MAP3K5: variants seen among roughly 807,000 people sequenced by gnomAD.
MAP3K5 encodes the protein ASK-1.
Under a neutral mutation model 158.7 loss-of-function variants are expected in MAP3K5, and 56 were observed. The ratio of observed to expected loss-of-function variants is 0.35; its 90% CI spans 0.28 to 0.44. The LOEUF is 0.44. Among genes scored for constraint, MAP3K5 ranks in the 20% least tolerant of loss-of-function variants. The pLI, the probability that MAP3K5 is intolerant of heterozygous loss-of-function variation, is 1.00. For missense variants in MAP3K5, 1,294 were observed against 1,674.8 expected, an observed-to-expected ratio of 0.77 and a Z score of 3.97; for synonymous variants, 579 against 601.7, an observed-to-expected ratio of 0.96 and a Z score of 0.55.
At chr6:136,635,392 G>T (rs983063145) in intron 14 of MAP3K5, among the ~76,000 whole-genome samples, 1 of 152,028 alleles carries the variant, frequency 6.6e-6, no homozygotes, top group South Asian at 2.1e-4. Context: ...ATAAAAAATT[G>T]TAAAATATAA....
rs766282577 is a variant in MAP3K5 at position 136,652,924 on chromosome 6, G to T, written c.1681-1833C>A. ...GCTGGGAAACAGACCAGGGAATGGA[G>T]GCAATTTGACAAAGTCTTAAAGGTA... is the stretch of plus-strand genomic sequence containing the variant. On this transcript the variant is annotated intron_variant, in intron 10 of 29. Transcript: ENST00000359015. Among the ~76,000 whole-genome samples, 121 of 152,298 alleles carry T rather than the reference G, an allele frequency of 7.9e-4. 2 individuals carry two copies. The highest frequency in any genetic ancestry group is 2.6e-4 in the Admixed American group (4 of 15,296).
chr6:136,765,073 C>A (rs1421935316), intron 1 of MAP3K5, among the ~76,000 whole-genome samples: 1 of 152,142 alleles, frequency 6.6e-6, no homozygotes, highest in Non-Finnish European at 1.5e-5. Flanking sequence ...ATTAGGAAGT[C>A]ATCATTAGAT....
chr6:136,611,593 C>A (rs368500312), intron 17 of MAP3K5, among the ~76,000 whole-genome samples: 77 of 152,314 alleles, frequency 5.1e-4, no homozygotes, highest in African/African-American at 1.7e-3. Flanking sequence ...AAACCAACCG[C>A]CTTTGCGAAA....
intron 23 of MAP3K5, among the ~76,000 whole-genome samples, chr6:136,591,413 C>A (rs1775381352): frequency 6.6e-6 from 1 of 152,220 alleles, no homozygotes. Flanking sequence ...AGGCTCTGGC[C>A]ACCCATGGCC....
At chr6:136,753,090 C>T (rs1284560322) in intron 1 of MAP3K5, among the ~76,000 whole-genome samples, 1 of 152,234 alleles carries the variant, frequency 6.6e-6, no homozygotes, top group Non-Finnish European at 1.5e-5. Context: ...CTTATCCCAA[C>T]AGGAACCCAC....
chr6:136,639,663 T>C, intron 12 of MAP3K5, 25 bp from the exon 13 acceptor site: 1 of 1,197,458 alleles, frequency 8.4e-7, no homozygotes, highest in Non-Finnish European at 1.2e-6. Context: ...CAAAAAGGCA[T>C]TATTCAGAGA....
At chr6:136,600,187 A>ATTTTT (rs907571176) in intron 21 of MAP3K5, among the ~76,000 whole-genome samples, 1 of 132,740 alleles carries the variant, frequency 7.5e-6, no homozygotes, top group African/African-American at 2.9e-5. Context: ...CATGCTGTTA[A>ATTTTT]TTTTTTTTTT....
At chr6:136,779,126 C>G (rs988937786) in intron 1 of MAP3K5, among the ~76,000 whole-genome samples, 1 of 152,098 alleles carries the variant, frequency 6.6e-6, no homozygotes, top group Non-Finnish European at 1.5e-5. Flanking sequence ...ATGGCAAAAC[C>G]CTGTCTCTAC....
At chr6:136,679,380 A>G (rs920370484) in intron 7 of MAP3K5, among the ~76,000 whole-genome samples, 4 of 152,368 alleles carry the variant, frequency 2.6e-5, no homozygotes, top group African/African-American at 9.6e-5. Context: ...TGTTTGTGAT[A>G]TAACAGTTGT....
intron 1 of MAP3K5, among the ~76,000 whole-genome samples, chr6:136,743,188 C>T (rs1210738560): frequency 1.3e-5 from 2 of 152,198 alleles, no homozygotes; most frequent in East Asian, 1.9e-4. Flanking sequence ...CAGTGGCTCA[C>T]GCCTGTAATC....
chr6:136,691,907 C>A (rs955132228), intron 7 of MAP3K5, among the ~76,000 whole-genome samples: 2 of 151,988 alleles, frequency 1.3e-5, no homozygotes, highest in East Asian at 1.9e-4. Context: ...CAAGTAGATT[C>A]TTTGATATAA....
At position 136,706,496 on chromosome 6, in the gene MAP3K5, C is replaced by G. The variant is rs547574981; in HGVS notation, c.589-1363G>C. The stretch of plus-strand genomic sequence containing the variant: ...CAAGGCTTCACTGAGGTTGGGGAAT[C>G]ATCATTTAGAAAAGGGAAAAGGGAA... On this transcript the variant is annotated intron_variant, in intron 2 of 29. Transcript: ENST00000359015. 9.2e-5 allele frequency among the ~76,000 whole-genome samples: 14 copies of G among 152,258 alleles called. 1 individual carries two copies. In the East Asian group the frequency reaches 1.9e-3, roughly 21 times the overall value.
chr6:136,670,496 T>C lies in MAP3K5; in HGVS notation c.1254-1101A>G, dbSNP rs1015694563. On this transcript the variant is annotated intron_variant, in intron 7 of 29. Transcript: ENST00000359015. ...TTGATGACACCAAAAAAAAAGGTTA[T>C]GTGGGAAGAAATACATTATAATTCC... Among the ~76,000 whole-genome samples, 128 of 152,090 alleles carry C rather than the reference T, an allele frequency of 8.4e-4. 1 individual carries two copies. Among genetic ancestry groups the C allele is most frequent in the Middle Eastern group, 6.8e-3 (2 of 292 alleles).
chr6:136,702,027 G>A (rs973382696), intron 3 of MAP3K5, among the ~76,000 whole-genome samples: 4 of 152,144 alleles, frequency 2.6e-5, no homozygotes, highest in African/African-American at 7.2e-5. Flanking sequence ...TAATGACTAC[G>A]CAAACAGCAG....
intron 21 of MAP3K5, among the ~76,000 whole-genome samples, chr6:136,593,893 G>T (rs912773762): frequency 6.6e-6 from 1 of 152,156 alleles, no homozygotes; most frequent in Non-Finnish European, 1.5e-5. Flanking sequence ...TGAATCAACT[G>T]CCCTGATCTC....
intron 28 of MAP3K5, 24 bp downstream of exon 28, chr6:136,561,509 T>C: frequency 1.3e-6 from 2 of 1,502,520 alleles, no homozygotes; most frequent in South Asian, 2.3e-5. Flanking sequence ...AAAGAATACT[T>C]GTCCCACAGA....
intron 15 of MAP3K5, among the ~76,000 whole-genome samples, chr6:136,616,834 T>A (rs1776587273): frequency 6.6e-6 from 1 of 152,014 alleles, no homozygotes; most frequent in Admixed American, 6.6e-5. Flanking sequence ...GCTCAAGCAA[T>A]GCTCCCATTT....
chr6:136,714,964 A>G (rs1781459571), intron 2 of MAP3K5, among the ~76,000 whole-genome samples: 1 of 152,206 alleles, frequency 6.6e-6, no homozygotes, highest in African/African-American at 2.4e-5. Flanking sequence ...TGAAGGAGTA[A>G]GCGTGTAGAC....
intron 19 of MAP3K5, among the ~76,000 whole-genome samples, chr6:136,604,362 A>G (rs563587470): frequency 6.6e-6 from 1 of 152,186 alleles, no homozygotes; most frequent in East Asian, 1.9e-4. Context: ...AAAAAGAAAA[A>G]AAAAGAAAAG....
Sources: allele counts gnomAD v4.1 joint callset (sites outside exome capture counted in the v4.1 genomes callset), GRCh38; gene constraint gnomAD v4.1.1; transcripts MANE v1.5; gene names NCBI Gene and HGNC (gene_info 2026-07-23, HGNC 2026-07-21).